The following CYP19A1 variants were observed in gnomAD, a reference collection of about 807,000 sequenced individuals.
CYP19A1 encodes the protein cytochrome P450 family 19 subfamily A member 1, also known as aromatase.
A neutral mutation model predicts 44.4 loss-of-function variants in CYP19A1; 32 were observed. The observed-to-expected ratio is 0.72, with a 90% CI of 0.54 to 0.97. The LOEUF (loss-of-function observed/expected upper bound fraction) is 0.97. Among genes scored for constraint, CYP19A1 ranks in the 50% least tolerant of loss-of-function variants. The pLI is 0.00. For synonymous variants in CYP19A1, 212 were observed against 215.6 expected (o/e 0.98, Z 0.14); for missense variants, 598 against 637.8 (o/e 0.94, Z 0.67).
intron 1 of CYP19A1, among the ~76,000 whole-genome samples, chr15:51,266,202 T>A (rs1447015332): frequency 6.6e-6 from 1 of 152,240 alleles, no homozygotes; most frequent in African/African-American, 2.4e-5. Flanking sequence ...CACATGAGGA[T>A]GTGTGCCTAC....
At position 51,242,350 on chromosome 15, in the gene CYP19A1, C is replaced by A. The variant is rs727479; in HGVS notation, c.145+418G>T. ...AATACAAGACAAAGAGGGGGCATGGCGGAAACAAAGTGAAAGGGAGAAGAA... is the reference window on the plus strand; with the variant it reads ...AATACAAGACAAAGAGGGGGCATGGAGGAAACAAAGTGAAAGGGAGAAGAA... On this transcript the variant is annotated intron_variant, in intron 2 of 9. Coordinates refer to ENST00000396402, the MANE Select transcript of CYP19A1 (RefSeq NM_000103.4). 0.68 allele frequency: 183,949 copies of A among 270,982 alleles called. 62,811 individuals are homozygous for A. Among genetic ancestry groups the A allele is most frequent in the African/African-American group, 0.78 (34,669 of 44,206 alleles). 16.8% of individuals were successfully genotyped at this position (270,982 alleles called of 1,614,324 possible). A position where few individuals can be genotyped will look rare whatever the true frequency, so the allele number is the denominator to read the frequency against.
At chr15:51,267,589 G>C (rs1314613505) in intron 1 of CYP19A1, among the ~76,000 whole-genome samples, 3 of 152,206 alleles carry the variant, frequency 2.0e-5, no homozygotes, top group African/African-American at 4.8e-5. Flanking sequence ...TGTTCGCCGG[G>C]TGGGGGCCCA....
rs150891287 is a variant in CYP19A1, at chr15:51,258,884, A to T, written c.-38-15934T>A. Among the ~76,000 whole-genome samples the T allele has an allele frequency of 2.9e-3, 439 of 152,340 alleles. 4 individuals carry two copies. The highest frequency in any genetic ancestry group is 0.01 in the African/African-American group (423 of 41,570). On this transcript the variant is annotated intron_variant, in intron 1 of 9. Transcript: ENST00000396402. The stretch of plus-strand genomic sequence containing the variant: ...TCCAAAAAAATGGGGAGCCAGCAAT[A>T]CCCAAGGAACCAAAGTTGACCAAAG...
chr15:51,225,104 A>G (rs2032460853), intron 4 of CYP19A1, among the ~76,000 whole-genome samples: 1 of 152,136 alleles, frequency 6.6e-6, no homozygotes, highest in Non-Finnish European at 1.5e-5. Context: ...ACCATCACCT[A>G]GGGTAGTATT....
intron 1 of CYP19A1, among the ~76,000 whole-genome samples, chr15:51,325,766 A>G (rs930057212): frequency 7.4e-6 from 1 of 135,354 alleles, no homozygotes; most frequent in African/African-American, 2.8e-5. Flanking sequence ...TGAACCCAGG[A>G]GTCAGAGGTT....
intron 1 of CYP19A1, among the ~76,000 whole-genome samples, chr15:51,249,107 T>A (rs1477799767): frequency 6.6e-6 from 1 of 151,908 alleles, no homozygotes; most frequent in Non-Finnish European, 1.5e-5. Flanking sequence ...GCCCGTCCAA[T>A]TTTTGTATTT....
intron 1 of CYP19A1, among the ~76,000 whole-genome samples, chr15:51,252,309 A>C (rs1355865876): frequency 6.6e-6 from 1 of 151,992 alleles, no homozygotes; most frequent in Non-Finnish European, 1.5e-5. Flanking sequence ...AGACCCCCTA[A>C]AGCCCAATCC....
At chr15:51,216,439 G>T (rs1423937238) in intron 6 of CYP19A1, among the ~76,000 whole-genome samples, 3 of 152,136 alleles carry the variant, frequency 2.0e-5, no homozygotes, top group Non-Finnish European at 2.9e-5. Context: ...TTTTAGTAAA[G>T]ACAGAGTTTC....
At chr15:51,292,051 A>G in intron 1 of CYP19A1, among the ~76,000 whole-genome samples, 1 of 152,216 alleles carries the variant, frequency 6.6e-6, no homozygotes. Flanking sequence ...CAAGGCAGAG[A>G]AGCTATTGAG....
At chr15:51,315,388 C>T (rs962985356) in intron 1 of CYP19A1, among the ~76,000 whole-genome samples, 2 of 152,124 alleles carry the variant, frequency 1.3e-5, no homozygotes, top group Non-Finnish European at 2.9e-5. Flanking sequence ...CTCAGCCTTG[C>T]CCACCCTACC....
At chr15:51,265,982 A>C (rs1442271568) in intron 1 of CYP19A1, among the ~76,000 whole-genome samples, 1 of 152,218 alleles carries the variant, frequency 6.6e-6, no homozygotes, top group Admixed American at 6.5e-5. Context: ...TAGCTCCAGA[A>C]ACATAGCAAA....
chr15:51,281,150 A>G (rs968751665), intron 1 of CYP19A1, among the ~76,000 whole-genome samples: 3 of 152,206 alleles, frequency 2.0e-5, no homozygotes, highest in Non-Finnish European at 4.4e-5. Context: ...CAACATTTCT[A>G]GAAATGCTCA....
At chr15:51,333,991 A>T (rs1044567522) in intron 1 of CYP19A1, among the ~76,000 whole-genome samples, 1 of 152,146 alleles carries the variant, frequency 6.6e-6, no homozygotes, top group Non-Finnish European at 1.5e-5. Flanking sequence ...TTAGGAAATC[A>T]TGTTCTTACA....
chr15:51,211,835 A>G (rs1321023214), intron 9 of CYP19A1, among the ~76,000 whole-genome samples: 3 of 152,212 alleles, frequency 2.0e-5, no homozygotes, highest in Non-Finnish European at 4.4e-5. Context: ...ATTAAGTCCT[A>G]TTTAGAATGG....
intron 1 of CYP19A1, among the ~76,000 whole-genome samples, chr15:51,292,419 C>A (rs2035868510): frequency 6.6e-6 from 1 of 152,198 alleles, no homozygotes; most frequent in East Asian, 1.9e-4. Context: ...TCCTCCACTC[C>A]CCACTGCAAT....
At position 51,230,056 on chromosome 15, in the gene CYP19A1, G is replaced by A. The variant is rs139322955; in HGVS notation, c.297-2123C>T. On this transcript the variant is annotated intron_variant, in intron 3 of 9. Transcript: ENST00000396402. ...TATTTTGAATCCAAAGCTCAGGCTTGTTAGGGACAAAGCTAATCAGGCCGA... is the reference window on the plus strand; with the variant it reads ...TATTTTGAATCCAAAGCTCAGGCTTATTAGGGACAAAGCTAATCAGGCCGA... Among the ~76,000 whole-genome samples, 14 of 152,378 alleles carry A rather than the reference G, an allele frequency of 9.2e-5. No individual in the cohort carries two copies. The East Asian group carries it at 2.7e-3, about 29-fold the overall frequency.
intron 1 of CYP19A1, among the ~76,000 whole-genome samples, chr15:51,319,814 G>T (rs2036495249): frequency 6.6e-6 from 1 of 152,206 alleles, no homozygotes; most frequent in Non-Finnish European, 1.5e-5. Flanking sequence ...CTGGGCTCCA[G>T]ATCCAGCTCT....
intron 1 of CYP19A1, chr15:51,323,812 T>A (rs1221867384): frequency 6.6e-6 from 1 of 152,114 alleles, no homozygotes; most frequent in East Asian, 1.9e-4. Context: ...ACCTCCCAAC[T>A]CACCACAGGG....
At chr15:51,268,598 A>G (rs2035016975) in intron 1 of CYP19A1, among the ~76,000 whole-genome samples, 1 of 144,604 alleles carries the variant, frequency 6.9e-6, no homozygotes. Flanking sequence ...GTGGACATAT[A>G]TTTCACTTCT....
Sources: gnomAD v4.1 joint callset for allele counts (sites outside exome capture counted in the v4.1 genomes callset) on GRCh38, gnomAD v4.1.1 for gene constraint, MANE v1.5 for transcripts, NCBI Gene and HGNC (gene_info 2026-07-23, HGNC 2026-07-21) for gene names.